The following PDSS1 variants were observed in gnomAD, a reference collection of about 807,000 sequenced individuals.
PDSS1 encodes the protein decaprenyl diphosphate synthase subunit 1.
Under a neutral mutation model 57.5 loss-of-function variants are expected in PDSS1, and 43 were observed. That is an observed-to-expected ratio of 0.75 (90% CI 0.59 to 0.96). The LOEUF (loss-of-function observed/expected upper bound fraction) is 0.96. Ranked by LOEUF, PDSS1 falls within the 50% of genes least tolerant of loss-of-function variation. The pLI, the probability that PDSS1 is intolerant of heterozygous loss-of-function variation, is 0.00. For missense variants in PDSS1, 438 were observed against 527.8 expected, an observed-to-expected ratio of 0.83 and a Z score of 1.67; for synonymous variants, 175 against 191.3, an observed-to-expected ratio of 0.91 and a Z score of 0.70.
At chr10:26,706,313 A>C (rs1397091415) in intron 4 of PDSS1, among the ~76,000 whole-genome samples, 1 of 152,172 alleles carries the variant, frequency 6.6e-6, no homozygotes, top group African/African-American at 2.4e-5. Flanking sequence ...TCACACCTAT[A>C]ATCCTAGCAC....
intron 4 of PDSS1, among the ~76,000 whole-genome samples, chr10:26,708,988 C>T (rs1031165162): frequency 2.6e-5 from 4 of 152,182 alleles, no homozygotes; most frequent in East Asian, 1.9e-4. Flanking sequence ...CTGTTCCTTT[C>T]GCTGTCCGGC....
intron 2 of PDSS1, among the ~76,000 whole-genome samples, chr10:26,703,607 A>G (rs898071594): frequency 9.2e-5 from 14 of 152,202 alleles, no homozygotes; most frequent in African/African-American, 3.1e-4. Context: ...AGGTTGTCAT[A>G]TAATGGTTGT....
At chr10:26,711,444 C>G (rs1835405237) in intron 5 of PDSS1, among the ~76,000 whole-genome samples, 1 of 99,534 alleles carries the variant, frequency 1.0e-5, no homozygotes, top group African/African-American at 3.3e-5. Flanking sequence ...TTGCCATGCC[C>G]AGGTCTGGCT....
chr10:26,706,727 C>CTTTT lies in PDSS1; in HGVS notation c.336+1333_336+1334insTTTT, dbSNP rs1422976884. Among the ~76,000 whole-genome samples the CTTTT allele has an allele frequency of 2.6e-5, 4 of 152,166 alleles. No individual in the cohort carries two copies. In the South Asian group the frequency reaches 8.3e-4, roughly 31 times the overall value. Reference sequence around the variant, plus strand: ...GTTCCCTCCACTATTGCACTGGGGCCCCCTTTCCAGCCTCTCCTCTGAAGC... The same window carrying CTTTT: ...GTTCCCTCCACTATTGCACTGGGGCCTTTTCCCTTTCCAGCCTCTCCTCTGAAGC... On this transcript the variant is annotated intron_variant, in intron 4 of 11. Transcript: ENST00000376215.
Position 26,746,628 on chromosome 10 carries a change from AG to A in PDSS1, c.*156del. On this transcript the variant is annotated 3_prime_UTR_variant, in exon 12 of 12. Transcript: ENST00000376215. The stretch of plus-strand genomic sequence containing the variant: ...GCAATTTATTTTTTTTTATTGCAAA[AG>A]TTTTTTCAGAAAACTTTTTAAATGT... 1.3e-6 allele frequency: 1 copy of A among 765,570 alleles called. No individual in the cohort carries two copies. The highest frequency in any genetic ancestry group is 3.7e-4 in the Middle Eastern group (1 of 2,680). 47.4% of individuals were successfully genotyped at this position (765,570 alleles called of 1,614,324 possible). A position where few individuals can be genotyped will look rare whatever the true frequency, so the allele number is the denominator to read the frequency against.
Position 26,705,338 on chromosome 10 carries a change from G to T in PDSS1, c.280G>T (p.Asp94Tyr). The change falls in exon 4 of 12, where the codon GAT becomes TAT. Residue 94 changes from aspartate to tyrosine, a missense_variant. Coordinates refer to ENST00000376215, the MANE Select transcript of PDSS1 (RefSeq NM_014317.5). ...AACACACAGTGGTGAAAAATACACC[G>T]ATCCTTTCAAACTCGGTTGGAGAGA... ...SKTHSGEKYT[D>Y]PFKLGWRDLK... is the part of the protein sequence containing the mutation. 6.2e-7 allele frequency: 1 copy of T among 1,612,988 alleles called. No individual in the cohort carries two copies. Among genetic ancestry groups the T allele is most frequent in the Non-Finnish European group, 8.5e-7 (1 of 1,179,284 alleles).
At chr10:26,738,734 TG>T (rs1836485307) in intron 10 of PDSS1, among the ~76,000 whole-genome samples, 1 of 152,226 alleles carries the variant, frequency 6.6e-6, no homozygotes, top group African/African-American at 2.4e-5. Flanking sequence ...TGGGTTGTCT[TG>T]GAGTTTACTC....
chr10:26,723,743 C>A, intron 6 of PDSS1, 63 bp from the exon 7 acceptor site: 1 of 1,129,896 alleles, frequency 8.9e-7, no homozygotes, highest in Non-Finnish European at 1.4e-6. Context: ...TCAGTTTCAT[C>A]ATTGGCTCTA....
At chr10:26,742,787 T>C (rs1836675162) in intron 11 of PDSS1, among the ~76,000 whole-genome samples, 1 of 151,108 alleles carries the variant, frequency 6.6e-6, no homozygotes, top group Non-Finnish European at 1.5e-5. Flanking sequence ...TGTTTTGTTT[T>C]AACTGGTCTT....
Position 26,699,764 on chromosome 10 carries a change from G to T in PDSS1, c.129+1924G>T, listed in dbSNP as rs144848246. Among the ~76,000 whole-genome samples the T allele has an allele frequency of 4.9e-4, 74 of 152,236 alleles. 1 individual carries two copies. In the East Asian group the frequency reaches 0.013, roughly 27 times the overall value. On this transcript the variant is annotated intron_variant, in intron 1 of 11. Transcript: ENST00000376215. ...TTAGCCAGGGAAAGTGTGCTTTTCT[G>T]GAGAGAATATGCTTTATGGCCTCCC...
At chr10:26,745,061 G>T (rs966821388) in intron 11 of PDSS1, among the ~76,000 whole-genome samples, 11 of 152,052 alleles carry the variant, frequency 7.2e-5, no homozygotes, top group African/African-American at 2.7e-4. Context: ...CTACTTAGGA[G>T]GCTGAGGCAC....
intron 8 of PDSS1, among the ~76,000 whole-genome samples, chr10:26,728,805 G>GT (rs1259824877): frequency 1.9e-4 from 25 of 134,778 alleles, no homozygotes; most frequent in African/African-American, 6.1e-4. Context: ...TTGAGCCAGG[G>GT]TATCACTCTG....
chr10:26,739,221 A>G (rs1464905306), intron 10 of PDSS1, among the ~76,000 whole-genome samples: 1 of 152,148 alleles, frequency 6.6e-6, no homozygotes, highest in Admixed American at 6.5e-5. Flanking sequence ...ACTCATACTC[A>G]TCACCTTAGC....
rs1564434423 is a variant in PDSS1 at position 26,735,584 on chromosome 10, GT to G, written c.1026+9del. ...GTCCTGTTTGCCTGTCAGCAGGTAG[GT>G]TTTACAAACTCCCTTTGACACATCA... On this transcript the variant is annotated splice_donor_region_variant and intron_variant, in intron 10 of 11. Transcript: ENST00000376215. The G allele has an allele frequency of 1.9e-6, 3 of 1,565,936 alleles. No individual in the cohort carries two copies. Among genetic ancestry groups the G allele is most frequent in the Admixed American group, 1.7e-5 (1 of 59,964 alleles).
At chr10:26,706,184 G>A (rs982500897) in intron 4 of PDSS1, among the ~76,000 whole-genome samples, 2 of 152,202 alleles carry the variant, frequency 1.3e-5, no homozygotes, top group Non-Finnish European at 2.9e-5. Context: ...CAAGAGGACT[G>A]CTTAAGCCCA....
At chr10:26,729,712 A>ACCTTTCTC (rs1171121316) in intron 8 of PDSS1, among the ~76,000 whole-genome samples, 1 of 152,156 alleles carries the variant, frequency 6.6e-6, no homozygotes, top group Non-Finnish European at 1.5e-5. Context: ...TTCAAAAGTT[A>ACCTTTCTC]CCTTTCTCTA....
intron 2 of PDSS1, among the ~76,000 whole-genome samples, chr10:26,703,683 A>G (rs1835114624): frequency 6.6e-6 from 1 of 152,190 alleles, no homozygotes; most frequent in African/African-American, 2.4e-5. Flanking sequence ...CTGGGATATC[A>G]TGAAAGTTCT....
intron 10 of PDSS1, among the ~76,000 whole-genome samples, chr10:26,742,168 C>T (rs912304044): frequency 2.0e-5 from 3 of 152,208 alleles, no homozygotes; most frequent in African/African-American, 7.2e-5. Context: ...TGTGCCACCA[C>T]GCCTGGCCAG....
chr10:26,716,564 C>T (rs10764636), intron 5 of PDSS1, among the ~76,000 whole-genome samples: 57,319 of 151,814 alleles, frequency 0.38, 11,333 homozygotes, highest in South Asian at 0.55. Flanking sequence ...TGGTGGCACA[C>T]GCCTGTAGTC....
Sources: allele counts gnomAD v4.1 joint callset (sites outside exome capture counted in the v4.1 genomes callset), GRCh38; gene constraint gnomAD v4.1.1; transcripts MANE v1.5; gene names NCBI Gene and HGNC (gene_info 2026-07-23, HGNC 2026-07-21).